CACNA2D1: variants seen among roughly 807,000 people sequenced by gnomAD.
CACNA2D1 encodes calcium voltage-gated channel auxiliary subunit alpha2delta 1.
Under a neutral mutation model 171.5 loss-of-function variants are expected in CACNA2D1, and 53 were observed. That is an observed-to-expected ratio of 0.31 (90% confidence interval 0.25 to 0.39). The LOEUF is 0.39. Among genes scored for constraint, CACNA2D1 ranks in the 10% least tolerant of loss-of-function variants. The pLI, the probability that CACNA2D1 is intolerant of heterozygous loss-of-function variation, is 1.00. For missense variants in CACNA2D1, 903 were observed against 1,299.8 expected, an observed-to-expected ratio of 0.69 and a Z score of 4.69; for synonymous variants, 442 against 443.1, an observed-to-expected ratio of 1.00 and a Z score of 0.03.
chr7:82,181,730 G>T (rs1236446101), intron 3 of CACNA2D1, among the ~76,000 whole-genome samples: 1 of 152,148 alleles, frequency 6.6e-6, no homozygotes, highest in Non-Finnish European at 1.5e-5. Context: ...CCTTGTAAAG[G>T]AAACAGAAGT....
rs952619817 is a variant in CACNA2D1, at chr7:81,968,875, A to G, written c.2395+12T>C. On this transcript the variant is annotated intron_variant, in intron 29 of 38. Transcript: ENST00000356860. ...TTTTGATTGTGTTTTTGTATTTAATATTTATCCTTACCTGCAGGTTTAAGA... is the reference window on the plus strand; with the variant it reads ...TTTTGATTGTGTTTTTGTATTTAATGTTTATCCTTACCTGCAGGTTTAAGA... 1.5e-6 allele frequency: 2 copies of G among 1,306,462 alleles called. No individual in the cohort carries two copies. Among genetic ancestry groups the G allele is most frequent in the African/African-American group, 2.9e-5 (2 of 68,760 alleles). 80.9% of individuals were successfully genotyped at this position (1,306,462 alleles called of 1,614,324 possible).
chr7:82,078,715 C>A (rs2129002612), intron 7 of CACNA2D1, among the ~76,000 whole-genome samples: 1 of 152,234 alleles, frequency 6.6e-6, no homozygotes, highest in South Asian at 2.1e-4. Context: ...AAAACTAGTG[C>A]TTGCTTTAGA....
intron 10 of CACNA2D1, among the ~76,000 whole-genome samples, chr7:82,045,208 T>C (rs1489263524): frequency 1.3e-5 from 2 of 152,220 alleles, no homozygotes; most frequent in Non-Finnish European, 2.9e-5. Flanking sequence ...CTAGTTTCAC[T>C]GCAGCCTCAT....
chr7:82,319,746 G>C (rs1563361249), intron 3 of CACNA2D1, among the ~76,000 whole-genome samples: 1 of 152,138 alleles, frequency 6.6e-6, no homozygotes, highest in Non-Finnish European at 1.5e-5. Flanking sequence ...AAACAATCAG[G>C]GGTGACTGGT....
chr7:82,309,132 G>A (rs1437516791), intron 3 of CACNA2D1, among the ~76,000 whole-genome samples: 1 of 152,138 alleles, frequency 6.6e-6, no homozygotes, highest in Non-Finnish European at 1.5e-5. Flanking sequence ...AAGGCCAGGT[G>A]CAGTGGCTCA....
intron 1 of CACNA2D1, among the ~76,000 whole-genome samples, chr7:82,406,814 T>C (rs894146528): frequency 2.6e-5 from 4 of 152,062 alleles, no homozygotes; most frequent in Admixed American, 6.6e-5. Context: ...CAAGTCTTTA[T>C]CTGTTTCAAT....
intron 28 of CACNA2D1, among the ~76,000 whole-genome samples, chr7:81,969,535 T>A (rs1795048793): frequency 6.6e-6 from 1 of 151,328 alleles, no homozygotes; most frequent in African/African-American, 2.4e-5. Context: ...ACTGATAAAA[T>A]GTAATTAATC....
intron 38 of CACNA2D1, among the ~76,000 whole-genome samples, chr7:81,951,685 T>C (rs969984229): frequency 2.0e-5 from 3 of 152,156 alleles, no homozygotes; most frequent in Non-Finnish European, 4.4e-5. Flanking sequence ...TTCCTTTTTA[T>C]GGCTGAGGTG....
intron 6 of CACNA2D1, among the ~76,000 whole-genome samples, chr7:82,111,444 ATTTTTT>A (rs869125211): frequency 2.9e-4 from 20 of 69,944 alleles, no homozygotes; most frequent in African/African-American, 1.4e-3. Flanking sequence ...ATATATATAT[ATTTTTT>A]TTTTTTTTTT....
At chr7:82,330,950 T>G (rs1817235154) in intron 3 of CACNA2D1, among the ~76,000 whole-genome samples, 1 of 152,126 alleles carries the variant, frequency 6.6e-6, no homozygotes, top group African/African-American at 2.4e-5. Context: ...ACCAGGAGCA[T>G]AAGCATTACC....
At chr7:82,291,148 A>ATATAATTCTATATCGATATAGAAT (rs556735108) in intron 3 of CACNA2D1, among the ~76,000 whole-genome samples, 16,597 of 129,100 alleles carry the variant, frequency 0.13, 1,372 homozygotes, top group South Asian at 0.19. Context: ...CCACTTGTAC[A>ATATAATTCTATATCGATATAGAAT]TATAATTCTA....
At chr7:82,044,505 G>A (rs1381288799) in intron 10 of CACNA2D1, among the ~76,000 whole-genome samples, 1 of 152,046 alleles carries the variant, frequency 6.6e-6, no homozygotes, top group East Asian at 1.9e-4. Context: ...TTTGGAAAAG[G>A]ATTTTTTAAA....
chr7:82,417,938 A>T lies in CACNA2D1; in HGVS notation c.95+25427T>A, dbSNP rs76033940. Among the ~76,000 whole-genome samples, 438 of 152,342 alleles carry T rather than the reference A, an allele frequency of 2.9e-3. 3 individuals are homozygous for T. The highest frequency in any genetic ancestry group is 9.9e-3 in the African/African-American group (413 of 41,554). On this transcript the variant is annotated intron_variant, in intron 1 of 38. Transcript: ENST00000356860. ...TTATGGAGAGGACAATATTAAAAGG[A>T]GACACTAACCACATCAACATGAGTC...
intron 3 of CACNA2D1, among the ~76,000 whole-genome samples, chr7:82,214,389 C>T (rs931321962): frequency 3.3e-5 from 5 of 151,602 alleles, no homozygotes; most frequent in East Asian, 3.9e-4. Context: ...TCTCATTAAC[C>T]AGTCATTTGG....
At chr7:81,958,512 A>C (rs2130148665) in intron 38 of CACNA2D1, among the ~76,000 whole-genome samples, 1 of 152,098 alleles carries the variant, frequency 6.6e-6, no homozygotes, top group Non-Finnish European at 1.5e-5. Flanking sequence ...ATATTTCTTA[A>C]GAATTTTAAA....
intron 37 of CACNA2D1, 102 bp downstream of exon 37, chr7:81,959,618 G>A: frequency 3.2e-6 from 4 of 1,258,852 alleles, no homozygotes; most frequent in Non-Finnish European, 4.5e-6. Context: ...GGTGATCAGA[G>A]CAGTCTAATA....
intron 6 of CACNA2D1, among the ~76,000 whole-genome samples, chr7:82,095,200 T>A (rs567117969): frequency 6.6e-6 from 1 of 152,252 alleles, no homozygotes; most frequent in South Asian, 2.1e-4. Context: ...TATGCCTACT[T>A]GTTAAACTTC....
Position 82,275,139 on chromosome 7 carries a change from G to A in CACNA2D1, c.294+59996C>T, listed in dbSNP as rs116083546. 8.2e-3 allele frequency among the ~76,000 whole-genome samples: 1,254 copies of A among 152,112 alleles called. 24 individuals carry two copies. The highest frequency in any genetic ancestry group is 0.029 in the African/African-American group (1,187 of 41,478). On this transcript the variant is annotated intron_variant, in intron 3 of 38. Coordinates refer to ENST00000356860, the MANE Select transcript of CACNA2D1 (RefSeq NM_000722.4). ...TTTTCCATCAAGCAGCCAGCTATCC[G>A]GTGATGCCAATTAAATCACAGCATA...
In CACNA2D1 at chr7:82,015,039, C is replaced by T. The variant is rs145027886; in HGVS notation, c.1144-560G>A. ...TGCACTCCAGCTTGGGCAACAAGAG[C>T]GAAACTCCATTTCAAAAAAAGAAAA... On this transcript the variant is annotated intron_variant, in intron 12 of 38. Coordinates refer to ENST00000356860, the MANE Select transcript of CACNA2D1 (RefSeq NM_000722.4). Among the ~76,000 whole-genome samples, 375 of 150,956 alleles carry T rather than the reference C, an allele frequency of 2.5e-3. 2 individuals are homozygous for T. Among genetic ancestry groups the T allele is most frequent in the African/African-American group, 8.7e-3 (356 of 41,006 alleles).
Sources: allele counts gnomAD v4.1 joint callset (sites outside exome capture counted in the v4.1 genomes callset), GRCh38; gene constraint gnomAD v4.1.1; transcripts MANE v1.5; gene names NCBI Gene and HGNC (gene_info 2026-07-23, HGNC 2026-07-21).